Variants in PLCB1 observed in about 807,000 individuals in gnomAD.
PLCB1 encodes the protein phospholipase C beta 1.
In PLCB1, 46 loss-of-function variants were observed where a neutral mutation model predicts 161.8. That is an observed-to-expected ratio of 0.28 (90% confidence interval 0.22 to 0.36). PLCB1 has a LOEUF of 0.36. Among genes scored for constraint, PLCB1 ranks in the 10% least tolerant of loss-of-function variants. The pLI is 1.00. For synonymous variants in PLCB1, 517 were observed against 503.7 expected (o/e 1.03, Z -0.35); for missense variants, 1,016 against 1,472.5 (o/e 0.69, Z 5.07).
chr20:8,630,531 T>C (rs574935253), intron 4 of PLCB1, among the ~76,000 whole-genome samples: 4 of 152,328 alleles, frequency 2.6e-5, no homozygotes, highest in African/African-American at 9.6e-5. Flanking sequence ...CATTTATACT[T>C]GGAGAGATTT....
intron 3 of PLCB1, among the ~76,000 whole-genome samples, chr20:8,511,932 T>C (rs1054922330): frequency 6.6e-6 from 1 of 152,192 alleles, no homozygotes; most frequent in African/African-American, 2.4e-5. Context: ...TATTCACTCC[T>C]TATCAGATGT....
At chr20:8,458,916 G>A (rs1981447793) in intron 3 of PLCB1, among the ~76,000 whole-genome samples, 1 of 152,182 alleles carries the variant, frequency 6.6e-6, no homozygotes, top group Admixed American at 6.5e-5. Context: ...TCTACACTTT[G>A]AAATGTTCAA....
At chr20:8,562,822 C>T (rs1222663155) in intron 3 of PLCB1, among the ~76,000 whole-genome samples, 1 of 152,122 alleles carries the variant, frequency 6.6e-6, no homozygotes, top group East Asian at 1.9e-4. Context: ...TCTCAAATTA[C>T]TACCTTTGGT....
chr20:8,403,608 A>T (rs1193993508), intron 3 of PLCB1, among the ~76,000 whole-genome samples: 1 of 152,166 alleles, frequency 6.6e-6, no homozygotes, highest in African/African-American at 2.4e-5. Context: ...ACAAGATAGC[A>T]TGTGAGCAGG....
At chr20:8,463,144 G>GTA (rs1264087331) in intron 3 of PLCB1, among the ~76,000 whole-genome samples, 1 of 98,654 alleles carries the variant, frequency 1.0e-5, no homozygotes, top group African/African-American at 3.6e-5. Context: ...CTAGTACAGA[G>GTA]CAGTGTGTGT....
At chr20:8,764,366 C>G (rs553296593) in intron 25 of PLCB1, among the ~76,000 whole-genome samples, 21 of 152,248 alleles carry the variant, frequency 1.4e-4, no homozygotes, top group Non-Finnish European at 2.1e-4. Context: ...AGAACCTGCA[C>G]AGTTATTTTC....
At chr20:8,631,277 T>G (rs1419638184) in intron 4 of PLCB1, among the ~76,000 whole-genome samples, 1 of 152,182 alleles carries the variant, frequency 6.6e-6, no homozygotes, top group East Asian at 1.9e-4. Context: ...GACAATCTCT[T>G]CCTTAGAGAA....
At chr20:8,528,438 A>C (rs933917635) in intron 3 of PLCB1, among the ~76,000 whole-genome samples, 1 of 152,228 alleles carries the variant, frequency 6.6e-6, no homozygotes, top group Middle Eastern at 3.4e-3. Context: ...CATTCATAAC[A>C]GGTTACATTC....
intron 3 of PLCB1, among the ~76,000 whole-genome samples, chr20:8,546,479 GAAC>G (rs1985553949): frequency 6.6e-6 from 1 of 151,972 alleles, no homozygotes; most frequent in African/African-American, 2.4e-5. Flanking sequence ...TATTTTAAGA[GAAC>G]ATCATGATTT....
intron 25 of PLCB1, among the ~76,000 whole-genome samples, chr20:8,761,244 A>G (rs1982008268): frequency 6.6e-6 from 1 of 152,216 alleles, no homozygotes; most frequent in African/African-American, 2.4e-5. Context: ...CACCAACTTC[A>G]AAGACAAAAC....
chr20:8,402,109 G>A (rs1377436601), intron 3 of PLCB1, among the ~76,000 whole-genome samples: 1 of 151,806 alleles, frequency 6.6e-6, no homozygotes, highest in Admixed American at 6.6e-5. Flanking sequence ...TTTAATTATT[G>A]TGGCTTTACA....
chr20:8,452,602 T>A (rs1981120762), intron 3 of PLCB1, among the ~76,000 whole-genome samples: 1 of 152,184 alleles, frequency 6.6e-6, no homozygotes, highest in Non-Finnish European at 1.5e-5. Context: ...AAACAAATAA[T>A]GATTTGTGTG....
intron 2 of PLCB1, among the ~76,000 whole-genome samples, chr20:8,342,087 C>A (rs1600329208): frequency 6.6e-6 from 1 of 152,020 alleles, no homozygotes; most frequent in Non-Finnish European, 1.5e-5. Flanking sequence ...AAGGTACCAC[C>A]TGGAGAGAAC....
chr20:8,235,470 A>G (rs902980530), intron 2 of PLCB1, among the ~76,000 whole-genome samples: 4 of 152,260 alleles, frequency 2.6e-5, no homozygotes, highest in African/African-American at 9.6e-5. Context: ...AAGGCAACAA[A>G]AAGATGTGAC....
At chr20:8,194,621 A>G (rs1258431974) in intron 2 of PLCB1, among the ~76,000 whole-genome samples, 1 of 152,002 alleles carries the variant, frequency 6.6e-6, no homozygotes, top group Non-Finnish European at 1.5e-5. Context: ...AAAAATATGG[A>G]AACATGGATG....
At chr20:8,199,665 A>G (rs2052070140) in intron 2 of PLCB1, among the ~76,000 whole-genome samples, 1 of 152,142 alleles carries the variant, frequency 6.6e-6, no homozygotes, top group Non-Finnish European at 1.5e-5. Flanking sequence ...ATGATTTTTC[A>G]GTAACTGCAA....
chr20:8,506,034 T>C (rs1000738385), intron 3 of PLCB1, among the ~76,000 whole-genome samples: 2 of 152,200 alleles, frequency 1.3e-5, no homozygotes, highest in Non-Finnish European at 2.9e-5. Flanking sequence ...AGTGAGATCA[T>C]TGCATAGGGT....
At chr20:8,302,236 AT>A (rs1983941897) in intron 2 of PLCB1, among the ~76,000 whole-genome samples, 1 of 152,198 alleles carries the variant, frequency 6.6e-6, no homozygotes, top group African/African-American at 2.4e-5. Flanking sequence ...TTTTAGATAT[AT>A]TTGATCTTCA....
At chr20:8,789,177 A>G (rs1482721225) in intron 29 of PLCB1, among the ~76,000 whole-genome samples, 2 of 152,162 alleles carry the variant, frequency 1.3e-5, no homozygotes, top group Non-Finnish European at 2.9e-5. Context: ...CAGGAGTTCA[A>G]TAGGGGCCTG....
Sources: allele counts gnomAD v4.1 joint callset (sites outside exome capture counted in the v4.1 genomes callset), GRCh38; gene constraint gnomAD v4.1.1; transcripts MANE v1.5; gene names NCBI Gene and HGNC (gene_info 2026-07-23, HGNC 2026-07-21).